The following SUCO variants were observed in gnomAD, a reference collection of about 807,000 sequenced individuals.
SUCO encodes the protein SUN domain-containing ossification factor.
In SUCO, 57 loss-of-function variants were observed where a neutral mutation model predicts 148.1. The ratio of observed to expected loss-of-function variants is 0.38; its 90% CI spans 0.31 to 0.48. SUCO has a LOEUF of 0.48. Among genes scored for constraint, SUCO ranks in the 20% least tolerant of loss-of-function variants. The pLI is 0.96. For missense variants in SUCO, 1,331 were observed against 1,468.2 expected, an observed-to-expected ratio of 0.91 and a Z score of 1.53; for synonymous variants, 470 against 502.7, an observed-to-expected ratio of 0.93 and a Z score of 0.87.
intron 15 of SUCO, 64 bp from the exon 16 acceptor site, chr1:172,584,954 T>G: frequency 9.4e-7 from 1 of 1,060,642 alleles, no homozygotes; most frequent in Non-Finnish European, 1.4e-6. Context: ...TTTGACTATC[T>G]GATATTAATT....
In SUCO at chr1:172,568,507, T is replaced by G. The variant is rs143731288; in HGVS notation, c.733-512T>G. ...TCTTATTAACATGATTTATAAAGAT[T>G]TTTAAATTTTCTTCTAAAATGTAAA... On this transcript the variant is annotated intron_variant, in intron 6 of 23. Coordinates refer to ENST00000263688, the MANE Select transcript of SUCO (RefSeq NM_014283.5). The G allele has an allele frequency of 1.0e-3, 922 of 893,678 alleles. 6 individuals are homozygous for G. The African/African-American group carries it at 0.013, about 13-fold the overall frequency. The allele number at this position is 893,678 out of a possible 1,614,324, so 55.4% of individuals were successfully genotyped here.
chr1:172,578,595 T>C (rs188147883), intron 14 of SUCO: 2 of 932,082 alleles, frequency 2.1e-6, no homozygotes, highest in East Asian at 2.3e-4. Context: ...CAAGCTTATC[T>C]ATCACTTATT....
intron 8 of SUCO, chr1:172,570,444 A>G (rs955910123): frequency 9.9e-6 from 5 of 506,252 alleles, no homozygotes; most frequent in African/African-American, 5.9e-5. Context: ...AGTAACAGGC[A>G]TTGAATTTTA....
At chr1:172,594,746 A>T (rs1219921600) in intron 19 of SUCO, among the ~76,000 whole-genome samples, 1 of 152,190 alleles carries the variant, frequency 6.6e-6, no homozygotes, top group Non-Finnish European at 1.5e-5. Flanking sequence ...AAAAGAATGT[A>T]TATTTTGTTG....
intron 23 of SUCO, chr1:172,609,228 T>A (rs1212863024): frequency 8.2e-6 from 8 of 980,980 alleles, no homozygotes; most frequent in Non-Finnish European, 9.7e-6. Context: ...TTTTTTTTTT[T>A]AATAAAAAAA....
intron 23 of SUCO, among the ~76,000 whole-genome samples, 154 bp downstream of exon 23, chr1:172,608,956 G>T (rs1225220840): frequency 1.3e-5 from 2 of 151,998 alleles, no homozygotes; most frequent in African/African-American, 4.8e-5. Flanking sequence ...ATTAACAGGG[G>T]TCAGCAAGCT....
At chr1:172,545,147 G>A (rs1386444123) in intron 1 of SUCO, among the ~76,000 whole-genome samples, 5 of 152,162 alleles carry the variant, frequency 3.3e-5, no homozygotes, top group Non-Finnish European at 5.9e-5. Context: ...ATAGGAGGAA[G>A]AGATTTGGAA....
In SUCO at chr1:172,609,929, A is replaced by G. The variant is rs756511642; in HGVS notation, c.3435A>G (p.Arg1145=). The part of the protein sequence containing the change: ...IKGRKPFTNQ[R]DFSNMGEVYH... Reference sequence around the variant, plus strand: ...GAAGAAAGCCCTTTACGAACCAGAGAGATTTTTCTAATATGGGAGAAGTTT... The same window carrying G: ...GAAGAAAGCCCTTTACGAACCAGAGGGATTTTTCTAATATGGGAGAAGTTT... Residue 1145 remains arginine, a synonymous_variant, in exon 24 of 24, where the codon AGA becomes AGG. Coordinates refer to ENST00000263688, the MANE Select transcript of SUCO (RefSeq NM_014283.5). The G allele has an allele frequency of 2.0e-5, 32 of 1,613,854 alleles. No individual in the cohort carries two copies. Among genetic ancestry groups the G allele is most frequent in the Non-Finnish European group, 2.7e-5 (32 of 1,179,876 alleles).
chr1:172,544,117 C>A, intron 1 of SUCO: 1 of 959,284 alleles, frequency 1.0e-6, no homozygotes, highest in Non-Finnish European at 1.2e-6. Context: ...TATTCAAAAA[C>A]TACAATTTTC....
chr1:172,576,522 A>T lies in SUCO; in HGVS notation c.1263+899A>T, dbSNP rs561281793. Among the ~76,000 whole-genome samples the T allele has an allele frequency of 7.2e-3, 1,100 of 151,770 alleles. 8 individuals carry two copies. Among genetic ancestry groups the T allele is most frequent in the African/African-American group, 0.025 (1,047 of 41,536 alleles). ...TCAGTTAATTCAAAATTATTAGTTC[A>T]AAAAAATTAAGGAATGTTTTCAATT... On this transcript the variant is annotated intron_variant, in intron 11 of 23. Transcript: ENST00000263688.
chr1:172,582,765 A>G (rs1381549586), intron 15 of SUCO, among the ~76,000 whole-genome samples: 1 of 152,128 alleles, frequency 6.6e-6, no homozygotes, highest in Non-Finnish European at 1.5e-5. Context: ...AACATGGGAA[A>G]ATTATTTTAG....
chr1:172,578,398 C>A lies in SUCO; in HGVS notation c.1432+9C>A, dbSNP rs767551600. The stretch of plus-strand genomic sequence containing the variant: ...ATTTGATGAGGACTATGGTAAGTGA[C>A]ATCAAACAGATGACTGTTAGGTATA... On this transcript the variant is annotated intron_variant, in intron 14 of 23. Transcript: ENST00000263688. The A allele has an allele frequency of 6.9e-6, 11 of 1,602,938 alleles. No homozygotes were observed. The highest frequency in any genetic ancestry group is 1.3e-5 in the African/African-American group (1 of 74,608).
intron 3 of SUCO, chr1:172,555,327 G>A (rs544606311): frequency 2.0e-4 from 186 of 946,334 alleles, no homozygotes; most frequent in Non-Finnish European, 2.2e-4. Context: ...TGCTGATAGA[G>A]GTTTTCAAAT....
In SUCO at chr1:172,585,862, T is replaced by G; in HGVS notation, c.1572T>G (p.Asn524Lys). 2.5e-6 allele frequency: 4 copies of G among 1,595,100 alleles called. No individual in the cohort carries two copies. Among genetic ancestry groups the G allele is most frequent in the Non-Finnish European group, 3.4e-6 (4 of 1,170,570 alleles). The change falls in exon 17 of 24, where the codon AAT becomes AAG. Residue 524 changes from asparagine (N) to lysine (K), a missense_variant. Transcript: ENST00000263688. The part of the protein sequence containing the change: ...GAKTEDLTEG[N>K]KSISENATAT... ...TGGGCATCTTTCTTAAAATAGGAAA[T>G]AAAAGTATATCTGAGAATGCCACTG...
chr1:172,590,960 T>G, intron 18 of SUCO, 24 bp from the exon 19 acceptor site: 1 of 1,549,294 alleles, frequency 6.5e-7, no homozygotes, highest in South Asian at 1.1e-5. Context: ...TTAAAGCTGA[T>G]TTAGACCAAT....
chr1:172,543,150 T>G (rs1420047165), intron 1 of SUCO: 1 of 308,840 alleles, frequency 3.2e-6, no homozygotes, highest in Non-Finnish European at 4.7e-6. Context: ...GTCAGTCCCC[T>G]GATGAAATAT....
At chr1:172,566,481 A>G (rs560244675) in intron 6 of SUCO, among the ~76,000 whole-genome samples, 2 of 152,326 alleles carry the variant, frequency 1.3e-5, no homozygotes, top group South Asian at 4.1e-4. Context: ...TTAGCCCAGG[A>G]AGGTTCTTGG....
At chr1:172,571,356 C>A (rs921081433) in intron 9 of SUCO, among the ~76,000 whole-genome samples, 1 of 152,204 alleles carries the variant, frequency 6.6e-6, no homozygotes, top group African/African-American at 2.4e-5. Flanking sequence ...CTGGTTCACT[C>A]AGTGCTCAAT....
intron 1 of SUCO, among the ~76,000 whole-genome samples, chr1:172,537,991 C>T (rs190638666): frequency 4.6e-5 from 7 of 152,188 alleles, no homozygotes; most frequent in Admixed American, 1.3e-4. Flanking sequence ...TTATCTAGAG[C>T]GTGAGTGTAT....
Sources: allele counts gnomAD v4.1 joint callset (sites outside exome capture counted in the v4.1 genomes callset), GRCh38; gene constraint gnomAD v4.1.1; transcripts MANE v1.5; gene names NCBI Gene and HGNC (gene_info 2026-07-23, HGNC 2026-07-21).